Variants in PCDHGA1 observed in about 807,000 individuals in gnomAD.
The protein encoded by PCDHGA1 is protocadherin gamma-A1.
In PCDHGA1, 32 loss-of-function variants were observed where a neutral mutation model predicts 58.0. The observed-to-expected ratio is 0.55, with a 90% CI of 0.42 to 0.74. The LOEUF is 0.74. Ranked by LOEUF, PCDHGA1 falls within the 30% of genes least tolerant of loss-of-function variation. The pLI is 0.00. For missense variants in PCDHGA1, 1,205 were observed against 1,182.3 expected (o/e 1.02, Z -0.28); for synonymous variants, 498 against 501.1 (o/e 0.99, Z 0.08).
intron 1 of PCDHGA1, among the ~76,000 whole-genome samples, chr5:141,488,697 A>T (rs1337725245): frequency 6.6e-6 from 1 of 152,162 alleles, no homozygotes; most frequent in Non-Finnish European, 1.5e-5. Context: ...GAAGGACAAG[A>T]TTTTGCTGGT....
chr5:141,509,442 T>C (rs1473514859), intron 3 of PCDHGA1, among the ~76,000 whole-genome samples: 3 of 152,008 alleles, frequency 2.0e-5, no homozygotes, highest in Non-Finnish European at 2.9e-5. Flanking sequence ...TGTTTCCTCC[T>C]CTCCCACCCC....
chr5:141,350,116 G>A (rs1300662823), intron 1 of PCDHGA1: 5 of 573,926 alleles, frequency 8.7e-6, no homozygotes, highest in Non-Finnish European at 1.4e-5. Context: ...TGCTTTGTCC[G>A]GTGCACTGAG....
In PCDHGA1 at chr5:141,380,718, C is replaced by T. The variant is rs1776684550; in HGVS notation, c.2421+47613C>T. Among the ~76,000 whole-genome samples the T allele has an allele frequency of 2.6e-5, 4 of 152,158 alleles. No homozygotes were observed. In the South Asian group the frequency reaches 8.3e-4, roughly 32 times the overall value. On this transcript the variant is annotated intron_variant, in intron 1 of 3. Transcript: ENST00000517417. ...GTAGTCTATAATTTAATTTAACTAG[C>T]TCTTATTTCCTTTTCTCCAAAGAAG...
At chr5:141,350,464 A>C (rs1169518481) in intron 1 of PCDHGA1, 1 of 1,613,988 alleles carries the variant, frequency 6.2e-7, no homozygotes, top group South Asian at 1.1e-5. Flanking sequence ...GGGTTAGTGC[A>C]GAGGATTATT....
chr5:141,430,938 C>A, intron 1 of PCDHGA1: 1 of 1,607,082 alleles, frequency 6.2e-7, no homozygotes, highest in Non-Finnish European at 8.5e-7. Context: ...CGGGAGCTCG[C>A]GGAGCGCGGA....
Position 141,331,131 on chromosome 5 carries a change from T to C in PCDHGA1, c.447T>C (p.Gly149=). 6.2e-7 allele frequency: 1 copy of C among 1,614,190 alleles called. No individual in the cohort carries two copies. The highest frequency in any genetic ancestry group is 8.5e-7 in the Non-Finnish European group (1 of 1,180,038). Residue 149 remains glycine, a synonymous_variant, in exon 1 of 4, where the codon GGT becomes GGC. Coordinates refer to ENST00000517417, the MANE Select transcript of PCDHGA1 (RefSeq NM_018912.3). ...AAATGAATGAAATAACGACTCCAGG[T>C]ACCAGAGTCTCATTGCCTTTTGGGC... ...EFKMNEITTP[G]TRVSLPFGQD...
intron 1 of PCDHGA1, among the ~76,000 whole-genome samples, chr5:141,435,303 A>G (rs2097757060): frequency 6.6e-6 from 1 of 152,192 alleles, no homozygotes; most frequent in Admixed American, 6.5e-5. Flanking sequence ...TCATGGTTTT[A>G]AATCATTCAT....
intron 1 of PCDHGA1, among the ~76,000 whole-genome samples, chr5:141,353,645 C>G (rs1267233696): frequency 6.6e-6 from 1 of 152,156 alleles, no homozygotes; most frequent in Non-Finnish European, 1.5e-5. Flanking sequence ...TATTTTGTCT[C>G]TATTAAAACA....
intron 1 of PCDHGA1, among the ~76,000 whole-genome samples, chr5:141,464,885 G>T (rs1592925315): frequency 6.6e-6 from 1 of 152,020 alleles, no homozygotes; most frequent in East Asian, 1.9e-4. Flanking sequence ...ACTACAGATG[G>T]ATGCCACCAT....
chr5:141,333,202 C>T (rs367716699), intron 1 of PCDHGA1, 97 bp downstream of exon 1: 1 of 1,545,684 alleles, frequency 6.5e-7, no homozygotes, highest in African/African-American at 1.4e-5. Context: ...GTTCTTCTAA[C>T]CCATGTATCT....
rs766593056 is a variant in PCDHGA1, at chr5:141,372,812, G to T, written c.2421+39707G>T. On this transcript the variant is annotated intron_variant, in intron 1 of 3. Coordinates refer to ENST00000517417, the MANE Select transcript of PCDHGA1 (RefSeq NM_018912.3). ...CTAATTCAGGCAATTTGCAAAAGGT[G>T]AGTTTCTTCAAACCTTTCCTTCCAT... 67 of 1,584,432 alleles carry T rather than the reference G, an allele frequency of 4.2e-5. No homozygotes were observed. In the Middle Eastern group the frequency reaches 6.7e-4, roughly 16 times the overall value.
chr5:141,393,300 G>T (rs1357517904), intron 1 of PCDHGA1: 2 of 1,613,882 alleles, frequency 1.2e-6, no homozygotes, highest in Non-Finnish European at 1.7e-6. Context: ...CCCGGATGTG[G>T]GCGTGAACTC....
At chr5:141,380,405 G>A (rs1258156706) in intron 1 of PCDHGA1, among the ~76,000 whole-genome samples, 2 of 152,114 alleles carry the variant, frequency 1.3e-5, no homozygotes, top group African/African-American at 4.8e-5. Flanking sequence ...TAATCAATTC[G>A]ATGCCCAGGA....
rs995968509 is a variant in PCDHGA1, at chr5:141,477,065, C to T, written c.2422-17742C>T. ...TCGGCTGGACTTCGAGGACACCAAA[C>T]TCCATGAGATTTACATCCAGGCCAA... On this transcript the variant is annotated intron_variant, in intron 1 of 3. Coordinates refer to ENST00000517417, the MANE Select transcript of PCDHGA1 (RefSeq NM_018912.3). The surrounding 1 kb of genome is among the most constrained non-coding windows in gnomAD (Gnocchi z 4.9). 15 of 1,614,144 alleles carry T rather than the reference C, an allele frequency of 9.3e-6. No homozygotes were observed. The highest frequency in any genetic ancestry group is 3.3e-5 in the Admixed American group (2 of 60,018).
rs749221752 is a variant in PCDHGA1 at position 141,432,670 on chromosome 5, G to T, written c.2422-62137G>T. ...CGCGAGCCCTGCTGGACAGAGACGCGCTCAAGCAGAGCCTCGTAGTGGCCG... is the reference window on the plus strand; with the variant it reads ...CGCGAGCCCTGCTGGACAGAGACGCTCTCAAGCAGAGCCTCGTAGTGGCCG... On this transcript the variant is annotated intron_variant, in intron 1 of 3. Coordinates refer to ENST00000517417, the MANE Select transcript of PCDHGA1 (RefSeq NM_018912.3). This position sits in a 1 kb window ranked among gnomAD's most constrained non-coding sequence, Gnocchi z 6.0. 7 of 1,613,750 alleles carry T rather than the reference G, an allele frequency of 4.3e-6. No homozygotes were observed. The African/African-American group carries it at 5.3e-5, about 12-fold the overall frequency.
intron 1 of PCDHGA1, 161 bp from the exon 2 acceptor site, chr5:141,494,646 T>C (rs1324048407): frequency 1.1e-6 from 1 of 935,836 alleles, no homozygotes; most frequent in East Asian, 1.2e-4. Flanking sequence ...AGACCTGAGG[T>C]GTATTTTGTC....
At position 141,489,910 on chromosome 5, in the gene PCDHGA1, G is replaced by T; in HGVS notation, c.2422-4897G>T. ...GGATGGGGGGACCCCAGCCCGCTCA[G>T]GGACCACCCTTATCTCTGTCATCGT... On this transcript the variant is annotated intron_variant, in intron 1 of 3. Transcript: ENST00000517417. This position sits in a 1 kb window ranked among gnomAD's most constrained non-coding sequence, Gnocchi z 4.5. 1 of 1,614,226 alleles carries T rather than the reference G, an allele frequency of 6.2e-7. No homozygotes were observed. The highest frequency in any genetic ancestry group is 8.5e-7 in the Non-Finnish European group (1 of 1,180,030).
chr5:141,422,626 C>A, intron 1 of PCDHGA1: 2 of 1,613,334 alleles, frequency 1.2e-6, no homozygotes, highest in Non-Finnish European at 1.7e-6. Flanking sequence ...CGAAAACAAC[C>A]CCAGGGGTGC....
chr5:141,433,849 A>C (rs116534867), intron 1 of PCDHGA1, among the ~76,000 whole-genome samples: 2,948 of 152,020 alleles, frequency 0.019, 43 homozygotes, highest in African/African-American at 0.028. Context: ...AAAAAAAAAA[A>C]AAAAAACTTT....
Sources: allele counts gnomAD v4.1 joint callset (sites outside exome capture counted in the v4.1 genomes callset), GRCh38; gene constraint gnomAD v4.1.1; non-coding constraint Gnocchi (gnomAD v3.1); transcripts MANE v1.5; gene names NCBI Gene and HGNC (gene_info 2026-07-23, HGNC 2026-07-21).